Variants in IPO5 observed in about 807,000 individuals in gnomAD.
The protein encoded by IPO5 is importin-5.
A neutral mutation model predicts 143.3 loss-of-function variants in IPO5; 18 were observed. The observed-to-expected ratio is 0.13, with a 90% confidence interval of 0.09 to 0.19. The LOEUF is 0.19. IPO5 is among the 10% of genes least tolerant of loss of function. The pLI, the probability that IPO5 is intolerant of heterozygous loss-of-function variation, is 1.00. For synonymous variants in IPO5, 477 were observed against 465.7 expected (o/e 1.02, Z -0.31); for missense variants, 1,013 against 1,336.9 (o/e 0.76, Z 3.78).
At chr13:97,980,699 C>T (rs1435543904) in intron 4 of IPO5, among the ~76,000 whole-genome samples, 2 of 151,914 alleles carry the variant, frequency 1.3e-5, no homozygotes, top group Non-Finnish European at 2.9e-5. Flanking sequence ...CGGTGGCAGG[C>T]GCCTGTAATC....
chr13:97,999,095 A>G (rs1404003167), intron 12 of IPO5, among the ~76,000 whole-genome samples: 3 of 152,174 alleles, frequency 2.0e-5, no homozygotes, highest in Non-Finnish European at 4.4e-5. Context: ...GTGAGCTGAG[A>G]TCACGTCATT....
intron 12 of IPO5, among the ~76,000 whole-genome samples, chr13:97,997,913 A>T (rs1318021693): frequency 6.6e-6 from 1 of 152,210 alleles, no homozygotes; most frequent in Non-Finnish European, 1.5e-5. Context: ...CTACAACAAC[A>T]AACAAGGAAG....
At chr13:98,011,890 T>C (rs551508354) in intron 20 of IPO5, among the ~76,000 whole-genome samples, 1 of 152,334 alleles carries the variant, frequency 6.6e-6, no homozygotes, top group African/African-American at 2.4e-5. Context: ...GTTTCAGGGT[T>C]TTTTGTATCT....
At chr13:97,964,493 G>T (rs1885145465) in intron 2 of IPO5, among the ~76,000 whole-genome samples, 1 of 143,076 alleles carries the variant, frequency 7.0e-6, no homozygotes, top group South Asian at 2.2e-4. Context: ...TGTCACCCAG[G>T]CTGGAGTGCA....
intron 2 of IPO5, among the ~76,000 whole-genome samples, chr13:97,955,264 T>C (rs1235963831): frequency 3.3e-5 from 5 of 151,024 alleles, no homozygotes; most frequent in African/African-American, 1.2e-4. Flanking sequence ...AGTGGCCAAA[T>C]ACCTTATAAA....
chr13:97,988,801 C>T (rs1439468332), intron 6 of IPO5, among the ~76,000 whole-genome samples: 3 of 151,790 alleles, frequency 2.0e-5, no homozygotes, highest in East Asian at 3.9e-4. Context: ...AAAAGAAGAA[C>T]CTCTGTTAAT....
At chr13:98,002,377 TC>T in intron 13 of IPO5, 89 bp from the exon 14 acceptor site, 1 of 1,315,602 alleles carries the variant, frequency 7.6e-7, no homozygotes, top group Non-Finnish European at 1.1e-6. Flanking sequence ...GTTACTCTTT[TC>T]CAAATAAGAA....
chr13:97,988,217 A>C (rs1019941453), intron 6 of IPO5: 1 of 155,880 alleles, frequency 6.4e-6, no homozygotes, highest in Non-Finnish European at 1.4e-5. Context: ...AAATCTCTTA[A>C]TCTTGTTAAA....
chr13:97,996,535 C>T (rs1165062424), intron 11 of IPO5, among the ~76,000 whole-genome samples: 2 of 152,176 alleles, frequency 1.3e-5, no homozygotes, highest in Non-Finnish European at 2.9e-5. Flanking sequence ...TGTGAAATAA[C>T]GGAGACCTCC....
chr13:98,018,362 GTT>G, intron 25 of IPO5, 121 bp from the exon 26 acceptor site: 1 of 704,466 alleles, frequency 1.4e-6, no homozygotes, highest in Non-Finnish European at 2.4e-6. Flanking sequence ...TTGTTACTAT[GTT>G]TTCTTTTTTC....
At chr13:98,011,258 A>G (rs1042486398) in intron 20 of IPO5, among the ~76,000 whole-genome samples, 2 of 151,948 alleles carry the variant, frequency 1.3e-5, no homozygotes, top group African/African-American at 4.8e-5. Flanking sequence ...GAATGAAACA[A>G]TTGGGTTTTT....
intron 6 of IPO5, among the ~76,000 whole-genome samples, chr13:97,987,486 T>G (rs1436068024): frequency 6.6e-6 from 1 of 152,160 alleles, no homozygotes; most frequent in Non-Finnish European, 1.5e-5. Context: ...TCTTAGAAAC[T>G]AATGGGGAAT....
chr13:97,981,909 A>G (rs1886877670), intron 4 of IPO5: 1 of 152,690 alleles, frequency 6.5e-6, no homozygotes, highest in Non-Finnish European at 1.5e-5. Flanking sequence ...TTGCTAATAG[A>G]TCTACAAAAG....
At chr13:98,010,551 T>G (rs1198537118) in intron 20 of IPO5, among the ~76,000 whole-genome samples, 1 of 152,072 alleles carries the variant, frequency 6.6e-6, no homozygotes, top group African/African-American at 2.4e-5. Flanking sequence ...TAGTCTATAG[T>G]AGGTGGCCAT....
chr13:97,992,607 G>T (rs894035746), intron 9 of IPO5, among the ~76,000 whole-genome samples: 1 of 152,154 alleles, frequency 6.6e-6, no homozygotes, highest in African/African-American at 2.4e-5. Flanking sequence ...ATAAAAAAAA[G>T]TAATTCCTTG....
chr13:97,996,218 T>G (rs1303893645), intron 11 of IPO5, among the ~76,000 whole-genome samples: 1 of 152,008 alleles, frequency 6.6e-6, no homozygotes, highest in Non-Finnish European at 1.5e-5. Flanking sequence ...CCTGGCTAAT[T>G]TTTGTGTTTT....
At chr13:97,977,390 A>G (rs1291611861) in intron 4 of IPO5, among the ~76,000 whole-genome samples, 1 of 151,882 alleles carries the variant, frequency 6.6e-6, no homozygotes, top group African/African-American at 2.4e-5. Context: ...TCCCACCTCC[A>G]GTTTTGTGAA....
At chr13:98,005,537 G>A (rs1258474277) in intron 16 of IPO5, among the ~76,000 whole-genome samples, 2 of 151,976 alleles carry the variant, frequency 1.3e-5, no homozygotes, top group Non-Finnish European at 2.9e-5. Context: ...CTGGTGACAG[G>A]ACGGGCCCAG....
rs779744308 is a variant in IPO5 at position 98,003,017 on chromosome 13, A to G, written c.1477A>G (p.Met493Val). The change falls in exon 16 of 29, where the codon ATG (methionine) becomes GTG (valine). Residue 493 changes from methionine to valine, a missense_variant. Around this residue, in one of 2 missense-constraint regions of IPO5, gnomAD observed 685 missense variants for 994.9 expected, o/e 0.69. Transcript: ENST00000651721. Reference protein sequence around the residue: ...DNLVKHLHSIMVLKLQELIQK... With the variant: ...DNLVKHLHSIVVLKLQELIQK... Reference sequence around the variant, plus strand: ...TTTGGTGAAACATCTGCATTCCATTATGGTACTGAAGCTTCAAGAGGTAAG... The same window carrying G: ...TTTGGTGAAACATCTGCATTCCATTGTGGTACTGAAGCTTCAAGAGGTAAG... 6.2e-7 allele frequency: 1 copy of G among 1,611,760 alleles called. No individual in the cohort carries two copies. Among genetic ancestry groups the G allele is most frequent in the Non-Finnish European group, 8.5e-7 (1 of 1,179,006 alleles).
Sources: allele counts gnomAD v4.1 joint callset (sites outside exome capture counted in the v4.1 genomes callset), GRCh38; gene constraint gnomAD v4.1.1; regional missense constraint gnomAD v4.1.1; transcripts MANE v1.5; gene names NCBI Gene and HGNC (gene_info 2026-07-23, HGNC 2026-07-21).